Variants in DAPK1 observed in about 807,000 individuals in gnomAD.
DAPK1 encodes death-associated protein kinase 1.
In DAPK1, 56 loss-of-function variants were observed where a neutral mutation model predicts 144.9. That is an observed-to-expected ratio of 0.39 (90% CI 0.31 to 0.48). DAPK1 has a LOEUF of 0.48. Among genes scored for constraint, DAPK1 ranks in the 20% least tolerant of loss-of-function variants. DAPK1 has a pLI of 0.95. For synonymous variants in DAPK1, 690 were observed against 749.0 expected, an observed-to-expected ratio of 0.92 and a Z score of 1.29; for missense variants, 1,454 against 1,875.4, an observed-to-expected ratio of 0.78 and a Z score of 4.15.
intron 19 of DAPK1, among the ~76,000 whole-genome samples, chr9:87,674,339 AAAAATT>A (rs1476690405): frequency 1.3e-5 from 2 of 152,042 alleles, no homozygotes; most frequent in African/African-American, 4.8e-5. Flanking sequence ...TCTCTACAAA[AAAAATT>A]AAAATTAAAA....
At chr9:87,598,570 C>T (rs1828400873) in intron 2 of DAPK1, among the ~76,000 whole-genome samples, 1 of 151,958 alleles carries the variant, frequency 6.6e-6, no homozygotes, top group Non-Finnish European at 1.5e-5. Context: ...AAGGTTAGAC[C>T]CTGGGCTTGG....
chr9:87,604,309 G>A (rs113471993), intron 2 of DAPK1, among the ~76,000 whole-genome samples: 58 of 152,254 alleles, frequency 3.8e-4, no homozygotes, highest in African/African-American at 6.3e-4. Flanking sequence ...CACATGATCC[G>A]TATTTACAGT....
intron 2 of DAPK1, among the ~76,000 whole-genome samples, chr9:87,600,072 A>G (rs1416307958): frequency 2.6e-5 from 4 of 152,202 alleles, no homozygotes; most frequent in South Asian, 2.1e-4. Flanking sequence ...GGGTCATTGT[A>G]TACAGTGAAA....
At chr9:87,514,912 G>C (rs1190162474) in intron 2 of DAPK1, among the ~76,000 whole-genome samples, 1 of 152,188 alleles carries the variant, frequency 6.6e-6, no homozygotes, top group Non-Finnish European at 1.5e-5. Flanking sequence ...AATGGGAGTT[G>C]CTGGTTTCTC....
rs141295667 is a variant in DAPK1, at chr9:87,567,004, G to A, written c.63-37950G>A. ...CAAGAAAGCTCATTAATGAAGGGTT[G>A]CTAATGCAGAGAGAAGCTCCCCAGA... On this transcript the variant is annotated intron_variant, in intron 2 of 25. Transcript: ENST00000408954. Among the ~76,000 whole-genome samples, 426 of 152,334 alleles carry A rather than the reference G, an allele frequency of 2.8e-3. 2 individuals are homozygous for A. The highest frequency in any genetic ancestry group is 9.7e-3 in the African/African-American group (402 of 41,572).
At chr9:87,648,590 T>C (rs1324925282) in intron 14 of DAPK1, 191 bp from the exon 15 acceptor site, 17 of 580,252 alleles carry the variant, frequency 2.9e-5, no homozygotes, top group Non-Finnish European at 5.3e-5. Context: ...GGCTTAATAC[T>C]CACTGTGTGG....
intron 2 of DAPK1, among the ~76,000 whole-genome samples, chr9:87,554,814 C>G (rs1826641649): frequency 6.6e-6 from 1 of 152,194 alleles, no homozygotes; most frequent in Non-Finnish European, 1.5e-5. Flanking sequence ...TTTCCCCCAC[C>G]CCCACCGGAG....
At chr9:87,591,139 GA>G (rs1828118335) in intron 2 of DAPK1, among the ~76,000 whole-genome samples, 1 of 152,218 alleles carries the variant, frequency 6.6e-6, no homozygotes, top group South Asian at 2.1e-4. Flanking sequence ...TAGCCTCTAG[GA>G]GACCAGCAGA....
intron 19 of DAPK1, among the ~76,000 whole-genome samples, chr9:87,680,385 G>A (rs1244956514): frequency 6.6e-6 from 1 of 152,208 alleles, no homozygotes; most frequent in African/African-American, 2.4e-5. Flanking sequence ...GATTACAGGC[G>A]TGAGCCACCG....
At position 87,606,178 on chromosome 9, in the gene DAPK1, A is replaced by G. The variant is rs534800722; in HGVS notation, c.284+1003A>G. Among the ~76,000 whole-genome samples the G allele has an allele frequency of 1.2e-3, 182 of 152,228 alleles. 1 individual carries two copies. Among genetic ancestry groups the G allele is most frequent in the African/African-American group, 4.1e-3 (171 of 41,546 alleles). On this transcript the variant is annotated intron_variant, in intron 3 of 25. Transcript: ENST00000408954. ...GGTAAGAAGAGATTTTCAAGACCAG[A>G]GGAGAAGGTTGGCAGAGCTGCCAGG...
intron 24 of DAPK1, among the ~76,000 whole-genome samples, chr9:87,702,470 C>T (rs1370429202): frequency 6.6e-6 from 1 of 152,092 alleles, no homozygotes; most frequent in Non-Finnish European, 1.5e-5. Flanking sequence ...TTCTCTTTTC[C>T]TCTGTTCATA....
At chr9:87,558,838 T>C (rs1826807357) in intron 2 of DAPK1, among the ~76,000 whole-genome samples, 1 of 152,162 alleles carries the variant, frequency 6.6e-6, no homozygotes, top group Non-Finnish European at 1.5e-5. Flanking sequence ...CCATGCTCCA[T>C]GTGGGCGGAC....
chr9:87,519,238 A>G (rs572307900), intron 2 of DAPK1, among the ~76,000 whole-genome samples: 6 of 152,316 alleles, frequency 3.9e-5, no homozygotes, highest in African/African-American at 1.2e-4. Flanking sequence ...CACCTCCCGC[A>G]TGCACCATTA....
rs1335243890 is a variant in DAPK1, at chr9:87,706,123, C to T, written c.3061-9C>T. On this transcript the variant is annotated splice_polypyrimidine_tract_variant and intron_variant, in intron 25 of 25. Transcript: ENST00000408954. The surrounding 1 kb of genome is among the most constrained non-coding windows in gnomAD (Gnocchi z 9.0). ...TCCCTAAGCGTGACTTTCTGTTGTCCCCCCGCAGATCAACATCATGCAAAG... is the reference window on the plus strand; with the variant it reads ...TCCCTAAGCGTGACTTTCTGTTGTCTCCCCGCAGATCAACATCATGCAAAG... The T allele has an allele frequency of 6.4e-7, 1 of 1,572,778 alleles. No homozygotes were observed. The highest frequency in any genetic ancestry group is 2.3e-5 in the East Asian group (1 of 44,210).
At chr9:87,667,590 A>C (rs1831101492) in intron 18 of DAPK1, among the ~76,000 whole-genome samples, 1 of 152,182 alleles carries the variant, frequency 6.6e-6, no homozygotes, top group Non-Finnish European at 1.5e-5. Context: ...TCTGGGAGTG[A>C]CTTGGGTTGA....
intron 2 of DAPK1, among the ~76,000 whole-genome samples, chr9:87,564,668 AAGAG>A (rs922810952): frequency 1.8e-4 from 27 of 151,060 alleles, no homozygotes; most frequent in African/African-American, 3.9e-4. Context: ...GAGAAAAAGA[AAGAG>A]AGAGAGAGAG....
chr9:87,622,702 G>T (rs781650342), intron 3 of DAPK1, among the ~76,000 whole-genome samples: 4 of 152,118 alleles, frequency 2.6e-5, no homozygotes, highest in Non-Finnish European at 5.9e-5. Flanking sequence ...CCTGAGCTCA[G>T]GAGTTCAAGA....
intron 2 of DAPK1, among the ~76,000 whole-genome samples, chr9:87,551,131 C>A (rs143439117): frequency 7.3e-5 from 11 of 150,934 alleles, no homozygotes; most frequent in Admixed American, 7.3e-4. Flanking sequence ...TGGGCAACAT[C>A]ATCACATCTA....
intron 2 of DAPK1, among the ~76,000 whole-genome samples, chr9:87,577,812 TAA>T: frequency 1.3e-5 from 2 of 151,834 alleles, no homozygotes; most frequent in African/African-American, 4.8e-5. Flanking sequence ...AAATAAAAAA[TAA>T]AAAAAGACTC....
Sources: gnomAD v4.1 joint callset for allele counts (sites outside exome capture counted in the v4.1 genomes callset) on GRCh38, gnomAD v4.1.1 for gene constraint, Gnocchi (gnomAD v3.1) non-coding constraint, MANE v1.5 for transcripts, NCBI Gene and HGNC (gene_info 2026-07-23, HGNC 2026-07-21) for gene names.